Variants in PCBD2 observed in about 807,000 individuals in gnomAD.
PCBD2 encodes pterin-4 alpha-carbinolamine dehydratase 2.
Under a neutral mutation model 16.4 loss-of-function variants are expected in PCBD2, and 12 were observed. The ratio of observed to expected loss-of-function variants is 0.73; its 90% CI spans 0.47 to 1.19. The LOEUF is 1.19. Ranked by LOEUF, PCBD2 falls within the 50% of genes most tolerant of loss-of-function variation. The pLI, the probability that PCBD2 is intolerant of heterozygous loss-of-function variation, is 0.00. For missense variants in PCBD2, 138 were observed against 156.8 expected (o/e 0.88, Z 0.64); for synonymous variants, 58 against 61.8 (o/e 0.94, Z 0.29).
At chr5:134,920,106 GCT>G (rs1750884919) in intron 2 of PCBD2, among the ~76,000 whole-genome samples, 1 of 152,104 alleles carries the variant, frequency 6.6e-6, no homozygotes, top group African/African-American at 2.4e-5. Context: ...TCCATGTTTT[GCT>G]CTTTTTCTTA....
chr5:134,920,484 A>G (rs1423208656), intron 2 of PCBD2, among the ~76,000 whole-genome samples: 1 of 152,252 alleles, frequency 6.6e-6, no homozygotes, highest in South Asian at 2.1e-4. Context: ...GAGGAAGGGA[A>G]TATTCGCCAG....
At chr5:134,924,045 G>A (rs1405246511) in intron 2 of PCBD2, 5 of 396,154 alleles carry the variant, frequency 1.3e-5, no homozygotes, top group African/African-American at 8.2e-5. Context: ...GCGTATTGGG[G>A]TCATTAGTGT....
chr5:134,925,646 G>A (rs1750981250), intron 2 of PCBD2: 3 of 397,470 alleles, frequency 7.5e-6, no homozygotes, highest in Admixed American at 4.4e-5. Flanking sequence ...GTTTGGATTA[G>A]TGGGTTATTC....
At chr5:134,942,339 G>A (rs1751239986) in intron 2 of PCBD2, among the ~76,000 whole-genome samples, 1 of 152,122 alleles carries the variant, frequency 6.6e-6, no homozygotes, top group Non-Finnish European at 1.5e-5. Context: ...TTGGGCAAGT[G>A]ATTTAACCCC....
intron 2 of PCBD2, chr5:134,926,506 C>T (rs74978610): frequency 2.0e-5 from 8 of 394,654 alleles, no homozygotes; most frequent in Admixed American, 4.4e-5. Context: ...CTAAGACCAA[C>T]GGATGGCTGT....
intron 2 of PCBD2, among the ~76,000 whole-genome samples, chr5:134,942,417 C>A (rs1416067214): frequency 6.6e-6 from 1 of 151,996 alleles, no homozygotes; most frequent in Non-Finnish European, 1.5e-5. Context: ...GCAGTAAGTA[C>A]CTGGTCCAGA....
intron 1 of PCBD2, among the ~76,000 whole-genome samples, chr5:134,906,497 C>T (rs964125866): frequency 2.0e-5 from 3 of 152,040 alleles, no homozygotes; most frequent in African/African-American, 7.2e-5. Flanking sequence ...TAAAATAGCT[C>T]GAAGACGGAG....
intron 2 of PCBD2, chr5:134,926,261 G>C (rs1267264133): frequency 3.0e-6 from 1 of 336,792 alleles, no homozygotes. Flanking sequence ...GTTGCCCAGT[G>C]TCAGTTTGAG....
At chr5:134,953,780 G>T (rs997235457) in intron 2 of PCBD2, among the ~76,000 whole-genome samples, 2 of 152,204 alleles carry the variant, frequency 1.3e-5, no homozygotes, top group South Asian at 4.2e-4. Flanking sequence ...CAGCCTGGGC[G>T]ACAGAGTGAG....
chr5:134,953,419 A>G (rs1474710059), intron 2 of PCBD2, among the ~76,000 whole-genome samples: 1 of 149,954 alleles, frequency 6.7e-6, no homozygotes, highest in Admixed American at 6.7e-5. Flanking sequence ...TTATATACAT[A>G]TATATGTACT....
At chr5:134,916,332 GT>G (rs1409031563) in intron 2 of PCBD2, among the ~76,000 whole-genome samples, 1 of 152,088 alleles carries the variant, frequency 6.6e-6, no homozygotes, top group Admixed American at 6.5e-5. Context: ...AATTCATTTT[GT>G]TTGTATTGCT....
intron 2 of PCBD2, among the ~76,000 whole-genome samples, chr5:134,940,097 C>T (rs1196547564): frequency 1.3e-5 from 2 of 152,170 alleles, no homozygotes; most frequent in Non-Finnish European, 2.9e-5. Flanking sequence ...AGAGCTAGAC[C>T]TGCACCCAGG....
intron 2 of PCBD2, among the ~76,000 whole-genome samples, chr5:134,951,970 A>C (rs550049113): frequency 1.3e-5 from 2 of 152,258 alleles, no homozygotes; most frequent in Non-Finnish European, 2.9e-5. Flanking sequence ...TGCAGTACAG[A>C]AAAAAATTTT....
intron 2 of PCBD2, chr5:134,925,892 G>C: frequency 2.5e-6 from 1 of 393,180 alleles, no homozygotes; most frequent in Non-Finnish European, 4.5e-6. Flanking sequence ...GAGTGTAGGA[G>C]AAATCATGCT....
chr5:134,956,519 C>A (rs1441283840), intron 2 of PCBD2, among the ~76,000 whole-genome samples: 1 of 152,192 alleles, frequency 6.6e-6, no homozygotes, highest in Non-Finnish European at 1.5e-5. Flanking sequence ...TCACTTTAGA[C>A]ATTTTAGAAT....
intron 1 of PCBD2, among the ~76,000 whole-genome samples, chr5:134,907,368 T>C (rs1464535910): frequency 1.3e-5 from 2 of 152,156 alleles, no homozygotes; most frequent in Non-Finnish European, 2.9e-5. Context: ...CTCAGCCTCC[T>C]GAGTAGCTGA....
At chr5:134,911,551 ACTCT>A (rs758917931) in intron 2 of PCBD2, among the ~76,000 whole-genome samples, 2 of 152,234 alleles carry the variant, frequency 1.3e-5, no homozygotes, top group South Asian at 4.2e-4. Context: ...TGCTTAAATA[ACTCT>A]CTATTGTACC....
At position 134,960,812 on chromosome 5, in the gene PCBD2, GC is replaced by G; in HGVS notation, c.*133del. The G allele has an allele frequency of 1.4e-6, 1 of 732,132 alleles. No individual in the cohort carries two copies. The highest frequency in any genetic ancestry group is 2.2e-6 in the Non-Finnish European group (1 of 448,896). The allele number at this position is 732,132 out of a possible 1,614,324, so 45.4% of individuals were successfully genotyped here. A position where few individuals can be genotyped will look rare whatever the true frequency, so the allele number is the denominator to read the frequency against. ...GACAGAGTGTTGCTCTGTCGCCCAG[GC>G]CAGAGTGCAGTGGTATGATCTCGGC... On this transcript the variant is annotated 3_prime_UTR_variant, in exon 4 of 4. Transcript: ENST00000254908.
At chr5:134,940,466 G>A (rs1405983860) in intron 2 of PCBD2, among the ~76,000 whole-genome samples, 1 of 151,862 alleles carries the variant, frequency 6.6e-6, no homozygotes, top group African/African-American at 2.4e-5. Context: ...ATGTGCAGGT[G>A]GTCATATTTC....
Sources: gnomAD v4.1 joint callset for allele counts (sites outside exome capture counted in the v4.1 genomes callset) on GRCh38, gnomAD v4.1.1 for gene constraint, MANE v1.5 for transcripts, NCBI Gene and HGNC (gene_info 2026-07-23, HGNC 2026-07-21) for gene names.